Variants in TOMM70 observed in about 807,000 individuals in gnomAD.
The protein encoded by TOMM70 is mitochondrial import receptor subunit TOM70.
TOMM70 carries 13 observed loss-of-function variants against 73.6 expected under a neutral mutation model. That is an observed-to-expected ratio of 0.18 (90% CI 0.11 to 0.28). The LOEUF (loss-of-function observed/expected upper bound fraction) is 0.28. Among genes scored for constraint, TOMM70 ranks in the 10% least tolerant of loss-of-function variants. The pLI is 1.00. For missense variants in TOMM70, 609 were observed against 747.5 expected, an observed-to-expected ratio of 0.81 and a Z score of 2.16; for synonymous variants, 257 against 271.2, an observed-to-expected ratio of 0.95 and a Z score of 0.51.
chr3:100,384,934 G>A (rs1191669702), intron 3 of TOMM70, among the ~76,000 whole-genome samples: 2 of 152,158 alleles, frequency 1.3e-5, no homozygotes, highest in Admixed American at 1.3e-4. Flanking sequence ...TCTGGTGTTT[G>A]TTTATAGGCC....
intron 1 of TOMM70, among the ~76,000 whole-genome samples, chr3:100,395,508 A>G (rs1706815722): frequency 6.9e-6 from 1 of 145,232 alleles, no homozygotes. Flanking sequence ...GCACCACTGC[A>G]CTCCAGCCTG....
At chr3:100,389,461 C>G (rs891410322) in intron 1 of TOMM70, among the ~76,000 whole-genome samples, 1 of 152,130 alleles carries the variant, frequency 6.6e-6, no homozygotes, top group Non-Finnish European at 1.5e-5. Flanking sequence ...AGTTTAGAGC[C>G]CTGCATTGAA....
In TOMM70 at chr3:100,365,709, A is replaced by T; in HGVS notation, c.1682T>A (p.Met561Lys). ...MGTIEVQRGN[M>K]EKAIDMFNKA... ...GTTGAACATGTCAATGGCTTTCTCC[A>T]TGTTTCCTCTAAAAGAACAAAATTT... Residue 561 changes from methionine (M) to lysine (K), a missense_variant, in exon 12 of 12, where the codon ATG becomes AAG. Around this residue, in one of 2 missense-constraint regions of TOMM70, gnomAD observed 432 missense variants for 584.1 expected, o/e 0.74. Coordinates refer to ENST00000284320, the MANE Select transcript of TOMM70 (RefSeq NM_014820.5). 1 of 1,614,042 alleles carries T rather than the reference A, an allele frequency of 6.2e-7. No homozygotes were observed. Among genetic ancestry groups the T allele is most frequent in the Non-Finnish European group, 8.5e-7 (1 of 1,179,938 alleles).
chr3:100,385,593 T>C (rs1706681528), intron 3 of TOMM70, among the ~76,000 whole-genome samples: 1 of 152,240 alleles, frequency 6.6e-6, no homozygotes, highest in Non-Finnish European at 1.5e-5. Context: ...AGGCTGGATG[T>C]ATACTGTTAA....
At chr3:100,395,542 C>CAAAAAAAA (rs59048767) in intron 1 of TOMM70, among the ~76,000 whole-genome samples, 2 of 81,082 alleles carry the variant, frequency 2.5e-5, no homozygotes, top group African/African-American at 3.3e-5. Flanking sequence ...GACTCCAACT[C>CAAAAAAAA]AAAAAAAAAA....
Position 100,377,691 on chromosome 3 carries a change from A to AT in TOMM70, c.1092+13dup, listed in dbSNP as rs778822824. ...TCTATTTAATAATTTCTTCACACAC[A>AT]TTTTTTAATGTACCTTCACATTAGC... On this transcript the variant is annotated intron_variant, in intron 6 of 11. Coordinates refer to ENST00000284320, the MANE Select transcript of TOMM70 (RefSeq NM_014820.5). 8 of 1,595,724 alleles carry AT rather than the reference A, an allele frequency of 5.0e-6. No homozygotes were observed. The South Asian group carries it at 6.6e-5, about 13-fold the overall frequency.
intron 11 of TOMM70, among the ~76,000 whole-genome samples, chr3:100,366,782 G>A (rs1302786570): frequency 3.3e-5 from 5 of 152,196 alleles, no homozygotes; most frequent in African/African-American, 1.2e-4. Flanking sequence ...CAGGATCTAT[G>A]AAAGCCTTGA....
intron 10 of TOMM70, 43 bp downstream of exon 10, chr3:100,368,995 A>T: frequency 6.9e-7 from 1 of 1,442,044 alleles, no homozygotes; most frequent in Non-Finnish European, 9.7e-7. Flanking sequence ...ATTACTATGC[A>T]AGAAATTTAT....
chr3:100,395,515 C>T (rs1164972266), intron 1 of TOMM70, among the ~76,000 whole-genome samples: 1 of 143,956 alleles, frequency 6.9e-6, no homozygotes, highest in East Asian at 2.1e-4. Context: ...TGCACTCCAG[C>T]CTGGGTGACA....
In TOMM70 at chr3:100,372,728, A is replaced by T. The variant is rs1383283037; in HGVS notation, c.1336-6T>A. 1 of 1,610,212 alleles carries T rather than the reference A, an allele frequency of 6.2e-7. No homozygotes were observed. The highest frequency in any genetic ancestry group is 1.1e-5 in the South Asian group (1 of 90,246). On this transcript the variant is annotated splice_region_variant and splice_polypyrimidine_tract_variant and intron_variant, in intron 8 of 11. Coordinates refer to ENST00000284320, the MANE Select transcript of TOMM70 (RefSeq NM_014820.5). ...CCCGTATATGCCTGGCGGTACTATAAAAAATCAAAACAGGCCTGTCAAATC... is the reference window on the plus strand; with the variant it reads ...CCCGTATATGCCTGGCGGTACTATATAAAATCAAAACAGGCCTGTCAAATC...
At chr3:100,382,655 A>G (rs1019415098) in intron 4 of TOMM70, among the ~76,000 whole-genome samples, 19 of 152,252 alleles carry the variant, frequency 1.2e-4, no homozygotes, top group African/African-American at 4.6e-4. Flanking sequence ...TTAAATAGAA[A>G]TTTAAATACC....
intron 1 of TOMM70, among the ~76,000 whole-genome samples, chr3:100,393,690 T>C (rs1169580239): frequency 1.3e-5 from 2 of 152,060 alleles, no homozygotes; most frequent in African/African-American, 4.8e-5. Context: ...CAGCTCTTAA[T>C]GACATGAAAT....
chr3:100,392,654 G>C (rs988223913), intron 1 of TOMM70, among the ~76,000 whole-genome samples: 2 of 151,882 alleles, frequency 1.3e-5, no homozygotes, highest in African/African-American at 4.8e-5. Flanking sequence ...CTGATCTCAG[G>C]TGATCCACAC....
At chr3:100,389,941 A>C (rs1192601604) in intron 1 of TOMM70, among the ~76,000 whole-genome samples, 1 of 152,112 alleles carries the variant, frequency 6.6e-6, no homozygotes, top group East Asian at 1.9e-4. Flanking sequence ...TCAGGAGGCT[A>C]AGGCAGAAGA....
intron 9 of TOMM70, among the ~76,000 whole-genome samples, chr3:100,371,227 TG>T (rs1706506034): frequency 6.6e-6 from 1 of 150,740 alleles, no homozygotes; most frequent in Admixed American, 6.6e-5. Context: ...TCCTTAAGAA[TG>T]GTTTAAGGAG....
At chr3:100,394,959 A>G (rs1706805600) in intron 1 of TOMM70, among the ~76,000 whole-genome samples, 1 of 152,234 alleles carries the variant, frequency 6.6e-6, no homozygotes, top group African/African-American at 2.4e-5. Flanking sequence ...CCCACCTACT[A>G]AATCATAATA....
chr3:100,373,670 T>C (rs776402662), intron 7 of TOMM70, 25 bp from the exon 8 acceptor site: 5 of 1,480,624 alleles, frequency 3.4e-6, no homozygotes, highest in Non-Finnish European at 3.6e-6. Context: ...CGTAAATAAA[T>C]GTAATTCAAC....
chr3:100,393,091 G>A (rs946421420), intron 1 of TOMM70, among the ~76,000 whole-genome samples: 2 of 151,626 alleles, frequency 1.3e-5, no homozygotes, highest in South Asian at 4.2e-4. Context: ...CAGGAGAATC[G>A]CTTGAACCCG....
At chr3:100,400,416 C>T (rs1419979757) in intron 1 of TOMM70, among the ~76,000 whole-genome samples, 1 of 152,146 alleles carries the variant, frequency 6.6e-6, no homozygotes, top group Non-Finnish European at 1.5e-5. Flanking sequence ...TTTCTGAAAC[C>T]AAAAGCAAAC....
Sources: allele counts gnomAD v4.1 joint callset (sites outside exome capture counted in the v4.1 genomes callset), GRCh38; gene constraint gnomAD v4.1.1; regional missense constraint gnomAD v4.1.1; transcripts MANE v1.5; gene names NCBI Gene and HGNC (gene_info 2026-07-23, HGNC 2026-07-21).